The following SUMF1 variants were observed in gnomAD, a reference collection of about 807,000 sequenced individuals.
SUMF1 encodes the protein sulfatase modifying factor 1.
A neutral mutation model predicts 47.6 loss-of-function variants in SUMF1; 48 were observed. The observed-to-expected ratio is 1.01, with a 90% CI of 0.80 to 1.28. SUMF1 has a LOEUF of 1.28. Among genes scored for constraint, SUMF1 ranks in the 50% most tolerant of loss-of-function variants. The pLI is 0.00. For synonymous variants in SUMF1, 230 were observed against 192.1 expected (o/e 1.20, Z -1.63); for missense variants, 571 against 485.4 (o/e 1.18, Z -1.66).
At position 4,137,933 on chromosome 3, in the gene SUMF1, A is replaced by ACAC. The variant is rs60600837; in HGVS notation, c.1015-69189_1015-69188insGTG. Among the ~76,000 whole-genome samples, 114 of 150,752 alleles carry ACAC rather than the reference A, an allele frequency of 7.6e-4. No homozygotes were observed. The East Asian group carries it at 0.015, about 20-fold the overall frequency. On this transcript the variant is annotated intron_variant and NMD_transcript_variant, in intron 8 of 12. Coordinates refer to the SUMF1 transcript ENST00000448413. ...TAATAATACACACACACACACACAC[A>ACAC]TTATTAGAACTAATAAGTGAGTTCA...
chr3:4,151,325 C>T (rs562930063), intron 8 of SUMF1, among the ~76,000 whole-genome samples: 90 of 147,678 alleles, frequency 6.1e-4, no homozygotes, highest in Middle Eastern at 7.1e-3. Flanking sequence ...CTTCTCCCTA[C>T]AGGGAAGAAG....
chr3:4,319,780 T>C (rs1230631811), intron 8 of SUMF1, among the ~76,000 whole-genome samples: 1 of 152,136 alleles, frequency 6.6e-6, no homozygotes, highest in Non-Finnish European at 1.5e-5. Context: ...AGTGAATGGA[T>C]AAACAAACTG....
At chr3:4,265,357 A>C (rs1410487614) in intron 8 of SUMF1, among the ~76,000 whole-genome samples, 1 of 152,066 alleles carries the variant, frequency 6.6e-6, no homozygotes, top group Non-Finnish European at 1.5e-5. Context: ...CTCCTTTAAA[A>C]TTCCTATAGT....
chr3:4,236,593 A>G (rs535113354), intron 8 of SUMF1, among the ~76,000 whole-genome samples: 1 of 152,064 alleles, frequency 6.6e-6, no homozygotes, highest in South Asian at 2.1e-4. Flanking sequence ...CCATCTCTAA[A>G]TAAATAAATA....
intron 8 of SUMF1, among the ~76,000 whole-genome samples, chr3:4,238,492 C>A (rs1402248545): frequency 6.6e-6 from 1 of 152,150 alleles, no homozygotes; most frequent in Admixed American, 6.5e-5. Context: ...GATGGTATCT[C>A]ATTGTGGTTT....
At chr3:4,227,311 G>A (rs1696195081) in intron 8 of SUMF1, among the ~76,000 whole-genome samples, 1 of 152,112 alleles carries the variant, frequency 6.6e-6, no homozygotes, top group Non-Finnish European at 1.5e-5. Context: ...GAACACTGCA[G>A]AATGGATCGC....
intron 8 of SUMF1, among the ~76,000 whole-genome samples, chr3:4,326,287 T>G (rs557078197): frequency 3.3e-5 from 5 of 152,222 alleles, no homozygotes; most frequent in African/African-American, 1.2e-4. Flanking sequence ...TTTTTTAAAT[T>G]GGCTTTGCTG....
Position 4,091,851 on chromosome 3 carries a change from C to A in SUMF1, c.1015-23106G>T, listed in dbSNP as rs535728909. ...AACATAGTCATTATTCTGGATGCTC[C>A]CATTTCAATTCAACTGTATTTCTGA... On this transcript the variant is annotated intron_variant and NMD_transcript_variant, in intron 8 of 12. Coordinates refer to the SUMF1 transcript ENST00000448413. Among the ~76,000 whole-genome samples, 9 of 151,828 alleles carry A rather than the reference C, an allele frequency of 5.9e-5. No homozygotes were observed. The South Asian group carries it at 1.9e-3, about 32-fold the overall frequency.
intron 1 of SUMF1, among the ~76,000 whole-genome samples, chr3:4,457,622 C>A (rs994670725): frequency 6.6e-6 from 1 of 152,022 alleles, no homozygotes; most frequent in Non-Finnish European, 1.5e-5. Flanking sequence ...AACAAAGGCA[C>A]CAAGAACACA....
chr3:4,129,275 T>C (rs1447950561), intron 8 of SUMF1, among the ~76,000 whole-genome samples: 1 of 152,052 alleles, frequency 6.6e-6, no homozygotes, highest in East Asian at 1.9e-4. Context: ...CACTCAACTG[T>C]CAAAGGCATA....
chr3:4,420,067 T>C lies in SUMF1; in HGVS notation c.599A>G (p.His200Arg), dbSNP rs1326817123. Residue 200 changes from histidine to arginine, a missense_variant, in exon 4 of 9, where the codon CAC becomes CGC. Coordinates refer to ENST00000272902, the MANE Select transcript of SUMF1 (RefSeq NM_182760.4). ...HPEGPDSTIL[H>R]RPDHPVLHVS... ...GGGAAAGAGGGACCAGCCTCACCTG[T>C]GCAGAATAGTAGAGTCAGGCCCTTC... The C allele has an allele frequency of 1.2e-6, 2 of 1,613,960 alleles. No homozygotes were observed. The highest frequency in any genetic ancestry group is 2.2e-5 in the South Asian group (2 of 91,082).
rs192682316 is a variant in SUMF1 at position 4,098,072 on chromosome 3, T to C, written c.1015-29327A>G. ...AAATGCCCAGAAGAATAACGTATCT[T>C]CCTGTCAGGGTTGAGACTACAAAAC... On this transcript the variant is annotated intron_variant and NMD_transcript_variant, in intron 8 of 12. Coordinates refer to the SUMF1 transcript ENST00000448413. Among the ~76,000 whole-genome samples the C allele has an allele frequency of 7.9e-4, 121 of 152,242 alleles. 2 individuals carry two copies. Among genetic ancestry groups the C allele is most frequent in the African/African-American group, 2.6e-3 (107 of 41,506 alleles).
At chr3:4,199,312 A>T (rs1695493824) in intron 8 of SUMF1, among the ~76,000 whole-genome samples, 1 of 152,150 alleles carries the variant, frequency 6.6e-6, no homozygotes, top group African/African-American at 2.4e-5. Context: ...ATGTATAAGT[A>T]GTTTGCTCCT....
intron 8 of SUMF1, among the ~76,000 whole-genome samples, chr3:4,224,495 T>C (rs1006958316): frequency 2.1e-4 from 32 of 152,032 alleles, no homozygotes; most frequent in African/African-American, 7.0e-4. Flanking sequence ...CTCACAGAGA[T>C]AGACAGATGA....
At position 4,036,109 on chromosome 3, in the gene SUMF1, T is replaced by A. The variant is rs577052286; in HGVS notation, c.1191+32460A>T. On this transcript the variant is annotated intron_variant and NMD_transcript_variant, in intron 9 of 12. Coordinates refer to the SUMF1 transcript ENST00000448413. ...AATAATGAATGTATTTAGCTCCCACTAGAATATGAGAAAACAAAACAAAAC... is the reference window on the plus strand; with the variant it reads ...AATAATGAATGTATTTAGCTCCCACAAGAATATGAGAAAACAAAACAAAAC... Among the ~76,000 whole-genome samples the A allele has an allele frequency of 2.6e-5, 4 of 152,242 alleles. No individual in the cohort carries two copies. In the East Asian group the frequency reaches 7.7e-4, roughly 29 times the overall value.
chr3:4,043,823 C>CT (rs533961763), intron 9 of SUMF1, among the ~76,000 whole-genome samples: 11 of 151,960 alleles, frequency 7.2e-5, no homozygotes, highest in African/African-American at 2.7e-4. Flanking sequence ...GTAAACTATT[C>CT]TTTTTTTTAA....
At chr3:4,402,519 C>G (rs1219834730) in intron 7 of SUMF1, among the ~76,000 whole-genome samples, 1 of 152,206 alleles carries the variant, frequency 6.6e-6, no homozygotes, top group East Asian at 1.9e-4. Flanking sequence ...GTAGATATAG[C>G]CCGATACTAC....
At chr3:4,327,139 A>C (rs574738628) in intron 8 of SUMF1, among the ~76,000 whole-genome samples, 1 of 152,232 alleles carries the variant, frequency 6.6e-6, no homozygotes, top group African/African-American at 2.4e-5. Context: ...TTTCTTGACC[A>C]AAAAAACACA....
intron 6 of SUMF1, 145 bp from the exon 7 acceptor site, chr3:4,411,123 T>C: frequency 1.3e-6 from 1 of 782,220 alleles, no homozygotes; most frequent in Non-Finnish European, 2.2e-6. Context: ...TTGACCAACA[T>C]AAAGACAAAG....
Sources: gnomAD v4.1 joint callset for allele counts (sites outside exome capture counted in the v4.1 genomes callset) on GRCh38, gnomAD v4.1.1 for gene constraint, MANE v1.5 for transcripts, NCBI Gene and HGNC (gene_info 2026-07-23, HGNC 2026-07-21) for gene names.